Variants in PHEX observed in about 807,000 individuals in gnomAD.
PHEX encodes the protein phosphate regulating endopeptidase X-linked.
Under a neutral mutation model 68.0 loss-of-function variants are expected in PHEX, and 16 were observed. The observed-to-expected ratio is 0.24, with a 90% CI of 0.16 to 0.36. The LOEUF (loss-of-function observed/expected upper bound fraction) is 0.36, where lower values mean the gene tolerates loss of function less well. PHEX is among the 10% of genes least tolerant of loss of function. The probability of loss-of-function intolerance (pLI) is 1.00; values close to 1 mark genes in which losing one functional copy is unlikely to be tolerated. For synonymous variants in PHEX, 208 were observed against 205.1 expected (o/e 1.01, Z -0.12); for missense variants, 480 against 575.5 (o/e 0.83, Z 1.70).
At chrX:22,116,812 C>T (rs1372306290) in intron 11 of PHEX, among the ~76,000 whole-genome samples, 1 of 110,981 alleles carries the variant, frequency 9.0e-6, no homozygotes. Context: ...TAACAAAGAG[C>T]CCACCAAGAG....
At chrX:22,113,134 G>A (rs5951497) in intron 10 of PHEX, among the ~76,000 whole-genome samples, 13,636 of 109,448 alleles carry the variant, frequency 0.12, 2,015 homozygotes, top group African/African-American at 0.42. Flanking sequence ...AAGAGAATGA[G>A]AGAGGTGTAA....
At chrX:22,067,297 A>G (rs1928650915) in intron 3 of PHEX, among the ~76,000 whole-genome samples, 1 of 109,678 alleles carries the variant, frequency 9.1e-6, no homozygotes, top group African/African-American at 3.3e-5. Flanking sequence ...TCACTTTGAG[A>G]GTCTTTCTGG....
At chrX:22,072,415 A>G (rs1480720617) in intron 3 of PHEX, among the ~76,000 whole-genome samples, 1 of 111,683 alleles carries the variant, frequency 9.0e-6, no homozygotes, top group Non-Finnish European at 1.9e-5. Flanking sequence ...CATCTCAAAA[A>G]AAAAGAAAAA....
At chrX:22,110,898 G>A (rs999754593) in intron 9 of PHEX, among the ~76,000 whole-genome samples, 1 of 111,807 alleles carries the variant, frequency 8.9e-6, no homozygotes, top group Non-Finnish European at 1.9e-5. Context: ...CCTGTCACAG[G>A]GTGCAGTAGC....
intron 17 of PHEX, 34 bp from the exon 18 acceptor site, chrX:22,221,579 A>G: frequency 8.6e-7 from 1 of 1,162,942 alleles, no homozygotes; most frequent in Non-Finnish European, 1.2e-6. Context: ...TTCCATAAAT[A>G]ACACAAATGT....
chrX:22,199,313 T>A (rs1934476063), intron 15 of PHEX, among the ~76,000 whole-genome samples: 1 of 111,532 alleles, frequency 9.0e-6, no homozygotes, highest in Non-Finnish European at 1.9e-5. Context: ...AGGAAGTTTA[T>A]AAATCATATC....
At chrX:22,108,572 G>C (rs773126674) in intron 9 of PHEX, among the ~76,000 whole-genome samples, 1 of 111,640 alleles carries the variant, frequency 9.0e-6, no homozygotes, top group South Asian at 3.8e-4. Context: ...GATGGCTATG[G>C]ACCCTTCATT....
intron 16 of PHEX, 142 bp downstream of exon 16, chrX:22,213,100 A>G: frequency 1.9e-6 from 1 of 518,166 alleles, no homozygotes; most frequent in African/African-American, 2.5e-5. Flanking sequence ...TACTCTTATC[A>G]TTTTAGGTAT....
rs767503875 is a variant in PHEX at position 22,035,999 on chromosome X, TACACAC to T, written c.119-2443_119-2438del. Among the ~76,000 whole-genome samples, 57 of 76,749 alleles carry T rather than the reference TACACAC, an allele frequency of 7.4e-4. 1 individual carries two copies. The highest frequency in any genetic ancestry group is 7.2e-3 in the Middle Eastern group (1 of 139). 66.6% of individuals were successfully genotyped at this position (76,749 alleles called of 115,157 possible). On this transcript the variant is annotated intron_variant, in intron 1 of 21. Coordinates refer to ENST00000379374, the MANE Select transcript of PHEX (RefSeq NM_000444.6). Reference sequence around the variant, plus strand: ...TGTCAGTGTCCCAATTAATTAATTATACACACACACACACACACACACACACACACA... The same window carrying T: ...TGTCAGTGTCCCAATTAATTAATTATACACACACACACACACACACACACA...
At chrX:22,075,583 G>A (rs143973450) in intron 3 of PHEX, among the ~76,000 whole-genome samples, 232 of 111,315 alleles carry the variant, frequency 2.1e-3, no homozygotes, top group Non-Finnish European at 3.8e-3. Flanking sequence ...TCTCAAGTAC[G>A]TTCAAGGTTC....
intron 12 of PHEX, among the ~76,000 whole-genome samples, chrX:22,143,427 A>G (rs1932550200): frequency 8.9e-6 from 1 of 112,341 alleles, no homozygotes; most frequent in Non-Finnish European, 1.9e-5. Flanking sequence ...TTATGCATCA[A>G]TAAAAGAAAA....
intron 14 of PHEX, among the ~76,000 whole-genome samples, chrX:22,180,017 A>T (rs7888182): frequency 0.37 from 38,658 of 105,544 alleles, 6,102 homozygotes; most frequent in African/African-American, 0.57. Context: ...TTTTTTTTTT[A>T]AAATCAAAAG....
At chrX:22,144,264 C>G (rs1253734639) in intron 12 of PHEX, among the ~76,000 whole-genome samples, 3 of 111,196 alleles carry the variant, frequency 2.7e-5, no homozygotes, top group African/African-American at 6.5e-5. Flanking sequence ...AAATAACATG[C>G]TCCATTATAG....
chrX:22,123,555 T>A (rs759125550), intron 11 of PHEX, among the ~76,000 whole-genome samples: 4 of 111,740 alleles, frequency 3.6e-5, no homozygotes, highest in Non-Finnish European at 7.5e-5. Context: ...GAATTTATAA[T>A]ATCAACTTCC....
At chrX:22,093,903 A>G (rs1284310668) in intron 6 of PHEX, 80 bp from the exon 7 acceptor site, 2 of 611,216 alleles carry the variant, frequency 3.3e-6, no homozygotes, top group Admixed American at 2.3e-5. Context: ...TCTACCTGCT[A>G]TTTTCTGCTC....
At chrX:22,174,128 T>C (rs1933627307) in intron 13 of PHEX, among the ~76,000 whole-genome samples, 1 of 111,840 alleles carries the variant, frequency 8.9e-6, no homozygotes, top group African/African-American at 3.2e-5. Flanking sequence ...TCGGGACAGC[T>C]GTTCCTGGGA....
intron 16 of PHEX, among the ~76,000 whole-genome samples, chrX:22,216,492 C>CTTATTTATTTATTTATTTAT (rs56899587): frequency 1.1e-5 from 1 of 88,041 alleles, no homozygotes; most frequent in African/African-American, 4.8e-5. Context: ...TTTTTTTATG[C>CTTATTTATTTATTTATTTAT]TTATTTATTT....
chrX:22,213,645 G>A (rs1225050780), intron 16 of PHEX, among the ~76,000 whole-genome samples: 2 of 111,740 alleles, frequency 1.8e-5, no homozygotes, highest in East Asian at 5.5e-4. Context: ...TAGAGATTCT[G>A]ATAATATTTG....
intron 21 of PHEX, among the ~76,000 whole-genome samples, chrX:22,246,512 T>C (rs1432051526): frequency 8.9e-6 from 1 of 112,087 alleles, no homozygotes; most frequent in Non-Finnish European, 1.9e-5. Context: ...TGGGCTAAAC[T>C]GTCATGAAGG....
Sources: allele counts gnomAD v4.1 joint callset (sites outside exome capture counted in the v4.1 genomes callset), GRCh38; gene constraint gnomAD v4.1.1; transcripts MANE v1.5; gene names NCBI Gene and HGNC (gene_info 2026-07-23, HGNC 2026-07-21).